The following CCSER1 variants were observed in gnomAD, a reference collection of about 807,000 sequenced individuals.
CCSER1 encodes the protein serine-rich coiled-coil domain-containing protein 1.
Under a neutral mutation model 82.0 loss-of-function variants are expected in CCSER1, and 41 were observed. The ratio of observed to expected loss-of-function variants is 0.50; its 90% CI spans 0.39 to 0.65. The LOEUF (loss-of-function observed/expected upper bound fraction) is 0.65. CCSER1 is among the 30% of genes least tolerant of loss of function. The probability of loss-of-function intolerance (pLI) is 0.00; values close to 1 mark genes in which losing one functional copy is unlikely to be tolerated. For missense variants in CCSER1, 1,119 were observed against 1,064.2 expected (o/e 1.05, Z -0.72); for synonymous variants, 414 against 383.9 (o/e 1.08, Z -0.92).
Position 90,983,001 on chromosome 4 carries a change from A to G in CCSER1, c.2172+59554A>G, listed in dbSNP as rs560456714. On this transcript the variant is annotated intron_variant, in intron 9 of 10. Transcript: ENST00000509176. ...ATTTCCTCAGGTTTCCATGACCTCA[A>G]TCCATCTCCCTCTCCTTAGACCTTC... Among the ~76,000 whole-genome samples, 21 of 151,848 alleles carry G rather than the reference A, an allele frequency of 1.4e-4. No homozygotes were observed. The South Asian group carries it at 1.9e-3, about 14-fold the overall frequency.
Position 91,496,756 on chromosome 4 carries a change from TATATATATTCA to T in CCSER1, c.2218-101806_2218-101796del, listed in dbSNP as rs1254981641. Among the ~76,000 whole-genome samples the T allele has an allele frequency of 6.8e-4, 56 of 82,708 alleles. 20 individuals carry two copies. The highest frequency in any genetic ancestry group is 0.015 in the Middle Eastern group (2 of 132). 54.3% of individuals were successfully genotyped at this position (82,708 alleles called of 152,430 possible). On this transcript the variant is annotated intron_variant, in intron 10 of 10. Transcript: ENST00000509176. ...TATATATTGAATATATATTTGAATA[TATATATATTCA>T]ATATATATTGAATATATATTGAATA...
chr4:91,009,118 G>A (rs928285932), intron 9 of CCSER1, among the ~76,000 whole-genome samples: 4 of 152,172 alleles, frequency 2.6e-5, no homozygotes, highest in East Asian at 1.9e-4. Context: ...AGTCAGGGGC[G>A]GGTCTGAGAT....
chr4:90,490,770 A>G (rs938985609), intron 5 of CCSER1, among the ~76,000 whole-genome samples: 1 of 152,086 alleles, frequency 6.6e-6, no homozygotes. Flanking sequence ...ACCATTTTTT[A>G]AATAGGGAAT....
At chr4:90,959,362 C>T (rs983272369) in intron 9 of CCSER1, among the ~76,000 whole-genome samples, 1 of 152,162 alleles carries the variant, frequency 6.6e-6, no homozygotes, top group Admixed American at 6.6e-5. Context: ...ATGCCAGGCA[C>T]TTGGTCAGAT....
At chr4:90,417,831 A>G (rs116717474) in intron 4 of CCSER1, among the ~76,000 whole-genome samples, 273 of 152,288 alleles carry the variant, frequency 1.8e-3, no homozygotes, top group African/African-American at 6.0e-3. Flanking sequence ...ATGAAACCCT[A>G]GTGGTTTTCC....
intron 5 of CCSER1, among the ~76,000 whole-genome samples, chr4:90,574,251 ATTTTTTTTTTT>A (rs777629017): frequency 1.2e-5 from 1 of 86,048 alleles, no homozygotes; most frequent in Admixed American, 1.3e-4. Flanking sequence ...AAACACATTA[ATTTTTTTTTTT>A]TTTTTTTTTT....
At chr4:90,256,339 G>A (rs1221699387) in intron 1 of CCSER1, among the ~76,000 whole-genome samples, 1 of 152,138 alleles carries the variant, frequency 6.6e-6, no homozygotes, top group African/African-American at 2.4e-5. Flanking sequence ...CATTGTTCTA[G>A]TGTCTTGTGT....
chr4:91,332,334 T>A (rs1747014999), intron 10 of CCSER1, among the ~76,000 whole-genome samples: 1 of 151,896 alleles, frequency 6.6e-6, no homozygotes, highest in South Asian at 2.1e-4. Flanking sequence ...TTGTCAACAT[T>A]ACTGGAGTGC....
chr4:90,610,563 C>A (rs549971009), intron 5 of CCSER1, among the ~76,000 whole-genome samples: 176 of 152,174 alleles, frequency 1.2e-3, no homozygotes, highest in Middle Eastern at 3.4e-3. Flanking sequence ...GGCCATTGAT[C>A]TTCAGTTGCT....
chr4:91,126,383 A>G (rs1166349771), intron 10 of CCSER1, among the ~76,000 whole-genome samples: 1 of 151,800 alleles, frequency 6.6e-6, no homozygotes, highest in Non-Finnish European at 1.5e-5. Context: ...CTGTCTCTCC[A>G]TTTGTCTATG....
intron 10 of CCSER1, among the ~76,000 whole-genome samples, chr4:91,588,861 G>A (rs996926870): frequency 2.6e-5 from 4 of 151,746 alleles, no homozygotes; most frequent in African/African-American, 9.7e-5. Flanking sequence ...ATTAGTAAGA[G>A]CCTCAGCTTT....
chr4:90,773,794 A>G (rs1752544754), intron 7 of CCSER1, among the ~76,000 whole-genome samples: 1 of 152,226 alleles, frequency 6.6e-6, no homozygotes, highest in Non-Finnish European at 1.5e-5. Flanking sequence ...GTAATAGCAG[A>G]AGAGAAATTA....
intron 7 of CCSER1, among the ~76,000 whole-genome samples, chr4:90,797,295 G>A (rs549262883): frequency 1.5e-4 from 23 of 150,524 alleles, no homozygotes; most frequent in Admixed American, 2.6e-4. Flanking sequence ...CTGAAACTAG[G>A]ATTGCAACCC....
chr4:91,273,003 T>C (rs1024026479), intron 10 of CCSER1, among the ~76,000 whole-genome samples: 14 of 152,198 alleles, frequency 9.2e-5, no homozygotes, highest in Admixed American at 2.0e-4. Context: ...TATGGCCTTA[T>C]AGTATAGTTT....
At chr4:90,313,427 C>T (rs1001664697) in intron 3 of CCSER1, among the ~76,000 whole-genome samples, 2 of 152,180 alleles carry the variant, frequency 1.3e-5, no homozygotes, top group African/African-American at 4.8e-5. Context: ...ATCACACTTA[C>T]TCCAGTACCA....
At chr4:91,192,306 T>G (rs927798145) in intron 10 of CCSER1, among the ~76,000 whole-genome samples, 2 of 152,204 alleles carry the variant, frequency 1.3e-5, no homozygotes, top group African/African-American at 4.8e-5. Context: ...ATTCCCCTAC[T>G]TCCACATATT....
intron 5 of CCSER1, among the ~76,000 whole-genome samples, chr4:90,581,089 T>C (rs928964528): frequency 2.0e-5 from 3 of 152,170 alleles, no homozygotes; most frequent in Non-Finnish European, 4.4e-5. Context: ...CATCCAGAAA[T>C]TTTAATTCAA....
intron 10 of CCSER1, among the ~76,000 whole-genome samples, chr4:91,108,987 G>A (rs1442770555): frequency 1.3e-5 from 2 of 152,184 alleles, no homozygotes; most frequent in Non-Finnish European, 2.9e-5. Context: ...AAAGGCAGAA[G>A]AAAGGCAGAT....
At chr4:90,373,255 A>G (rs1747753751) in intron 3 of CCSER1, among the ~76,000 whole-genome samples, 2 of 152,140 alleles carry the variant, frequency 1.3e-5, no homozygotes, top group Admixed American at 1.3e-4. Flanking sequence ...GCTCTAAGTG[A>G]TATGATAGGG....
Sources: gnomAD v4.1 joint callset for allele counts (sites outside exome capture counted in the v4.1 genomes callset) on GRCh38, gnomAD v4.1.1 for gene constraint, MANE v1.5 for transcripts, NCBI Gene and HGNC (gene_info 2026-07-23, HGNC 2026-07-21) for gene names.